The following ACCS variants were observed in gnomAD, a reference collection of about 807,000 sequenced individuals.
ACCS encodes the protein 1-aminocyclopropane-1-carboxylate synthase-like protein 1.
ACCS carries 42 observed loss-of-function variants against 59.8 expected under a neutral mutation model. The observed-to-expected ratio is 0.70, with a 90% CI of 0.55 to 0.91. ACCS has a LOEUF of 0.91. Among genes scored for constraint, ACCS ranks in the 40% least tolerant of loss-of-function variants. ACCS has a pLI of 0.00. For synonymous variants in ACCS, 230 were observed against 240.3 expected (o/e 0.96, Z 0.40); for missense variants, 602 against 630.4 (o/e 0.95, Z 0.48).
rs557625702 is a variant in ACCS at position 44,079,251 on chromosome 11, G to A, written c.834-280G>A. The A allele has an allele frequency of 2.9e-4, 124 of 429,204 alleles. 4 individuals carry two copies. In the East Asian group the frequency reaches 4.3e-3, roughly 15 times the overall value. 26.6% of individuals were successfully genotyped at this position (429,204 alleles called of 1,614,324 possible). A position where few individuals can be genotyped will look rare whatever the true frequency, so the allele number is the denominator to read the frequency against. On this transcript the variant is annotated intron_variant, in intron 9 of 14. Coordinates refer to ENST00000263776, the MANE Select transcript of ACCS (RefSeq NM_032592.4). ...TCCAGACTTGAACCTGGGTCTCTCC[G>A]ACTCGAGCCCTTGTGCATGACCTTG... is the stretch of plus-strand genomic sequence containing the variant.
At chr11:44,077,481 T>C in intron 7 of ACCS, 105 bp downstream of exon 7, 1 of 1,559,446 alleles carries the variant, frequency 6.4e-7, no homozygotes, top group Non-Finnish European at 8.7e-7. Context: ...GGGGTTGTGA[T>C]GAGTAGGGAA....
At chr11:44,078,425 T>C (rs984451763) in intron 8 of ACCS, 2 of 438,656 alleles carry the variant, frequency 4.6e-6, no homozygotes, top group African/African-American at 3.9e-5. Context: ...ATTTTGAAAG[T>C]GCAAAAGGCC....
In ACCS at chr11:44,077,992, G is replaced by A. The variant is rs567573520; in HGVS notation, c.732+70G>A. 1.3e-4 allele frequency: 207 copies of A among 1,542,646 alleles called. 1 individual carries two copies. The highest frequency in any genetic ancestry group is 2.8e-4 in the Admixed American group (14 of 50,716). Reference sequence around the variant, plus strand: ...GAGCAGGGTCTGGACCCCTCTTCTTGTGACTGATCTCCTCCCGGGAGTAGG... The same window carrying A: ...GAGCAGGGTCTGGACCCCTCTTCTTATGACTGATCTCCTCCCGGGAGTAGG... On this transcript the variant is annotated intron_variant, in intron 8 of 14. Transcript: ENST00000263776.
rs554227280 is a variant in ACCS, at chr11:44,070,106, A to G, written c.289-1150A>G. ...GGCAGGCGATGGGGTCAGAAAGAGG[A>G]TGGGGTGGTGGAGGTGATAGAACCT... On this transcript the variant is annotated intron_variant, in intron 2 of 14. Transcript: ENST00000263776. Among the ~76,000 whole-genome samples the G allele has an allele frequency of 8.9e-4, 136 of 152,228 alleles. 1 individual carries two copies. Among genetic ancestry groups the G allele is most frequent in the African/African-American group, 3.2e-3 (135 of 41,540 alleles).
intron 3 of ACCS, among the ~76,000 whole-genome samples, chr11:44,072,624 A>G (rs1453790906): frequency 1.3e-5 from 2 of 152,242 alleles, no homozygotes; most frequent in African/African-American, 4.8e-5. Context: ...TATTTAGCCC[A>G]ATATATTCAA....
chr11:44,074,508 G>C, intron 4 of ACCS, 104 bp from the exon 5 acceptor site: 1 of 869,060 alleles, frequency 1.2e-6, no homozygotes, highest in South Asian at 1.5e-5. Flanking sequence ...TGGGAAATTA[G>C]GGAAGAGTGA....
intron 7 of ACCS, 128 bp from the exon 8 acceptor site, chr11:44,077,717 C>G (rs1449673196): frequency 2.0e-6 from 3 of 1,467,162 alleles, no homozygotes; most frequent in South Asian, 1.4e-5. Flanking sequence ...GGGACCCCAC[C>G]TGCTTTTCCA....
chr11:44,080,472 TA>T (rs1196856120), intron 10 of ACCS: 26 of 151,012 alleles, frequency 1.7e-4, no homozygotes, highest in South Asian at 4.2e-4. Flanking sequence ...GGTTAGTCAT[TA>T]AAAAAAAAAT....
At chr11:44,083,067 A>G (rs886194265) in intron 12 of ACCS, 102 bp from the exon 13 acceptor site, 41 of 1,485,408 alleles carry the variant, frequency 2.8e-5, no homozygotes, top group Middle Eastern at 1.8e-4. Flanking sequence ...ACTCAACAGC[A>G]TCCTGGCAGC....
chr11:44,083,497 C>A lies in ACCS; in HGVS notation c.1328C>A (p.Ser443Tyr). The A allele has an allele frequency of 6.2e-7, 1 of 1,614,238 alleles. No individual in the cohort carries two copies. The highest frequency in any genetic ancestry group is 8.5e-7 in the Non-Finnish European group (1 of 1,180,038). Residue 443 changes from serine (S) to tyrosine (Y), a missense_variant, in exon 14 of 15, where the codon TCC becomes TAC. Coordinates refer to ENST00000263776, the MANE Select transcript of ACCS (RefSeq NM_032592.4). The stretch of plus-strand genomic sequence containing the variant: ...TTTTTGGACAACAAGGTGCTGCTGT[C>A]CTTTGGCAAGGCCTTCGAGTGTAAA... The part of the protein sequence containing the change: ...RRFLDNKVLL[S>Y]FGKAFECKEP...
chr11:44,083,556 C>T lies in ACCS; in HGVS notation c.1387C>T (p.Gln463Ter), dbSNP rs1953738323. ...TTGGTTTCGCTTTGTCTTCTCAGACCAGGTCCACCGGCTTTGCCTGGGTGA... is the reference window on the plus strand; with the variant it reads ...TTGGTTTCGCTTTGTCTTCTCAGACTAGGTCCACCGGCTTTGCCTGGGTGA... ...PGWFRFVFSD[Q>*]VHRLCLGMQR... Residue 463 changes from glutamine to a stop codon, truncating the protein, a stop_gained, in exon 14 of 15, where the codon CAG (glutamine) becomes TAG (stop). Coordinates refer to ENST00000263776, the MANE Select transcript of ACCS (RefSeq NM_032592.4). LOFTEE classifies it low-confidence loss of function (END_TRUNC). 1.2e-6 allele frequency: 2 copies of T among 1,614,250 alleles called. No homozygotes were observed. Among genetic ancestry groups the T allele is most frequent in the Non-Finnish European group, 1.7e-6 (2 of 1,180,044 alleles).
chr11:44,069,154 C>A (rs1463864536), intron 2 of ACCS, among the ~76,000 whole-genome samples: 2 of 152,170 alleles, frequency 1.3e-5, no homozygotes, highest in Non-Finnish European at 2.9e-5. Context: ...GTTAAAACAA[C>A]AATTCACAAT....
chr11:44,067,463 C>T (rs1450158588), intron 1 of ACCS, among the ~76,000 whole-genome samples, 165 bp from the exon 2 acceptor site: 2 of 152,168 alleles, frequency 1.3e-5, no homozygotes, highest in African/African-American at 2.4e-5. Flanking sequence ...TTGTTGAAGT[C>T]GTTGCACATA....
chr11:44,077,313 T>C lies in ACCS; in HGVS notation c.591T>C (p.Ala197=), dbSNP rs770523211. 3 of 1,614,128 alleles carry C rather than the reference T, an allele frequency of 1.9e-6. No individual in the cohort carries two copies. The highest frequency in any genetic ancestry group is 1.1e-5 in the South Asian group (1 of 91,076). ...TGATCCCCACCCCTTACTATGGCGC[T>C]ATCACACAGCACGTGTGTCTCTATG... The part of the protein sequence containing the change: ...AFLIPTPYYG[A]ITQHVCLYGN... Residue 197 remains alanine (A), a synonymous_variant, in exon 7 of 15, where the codon GCT becomes GCC. Coordinates refer to ENST00000263776, the MANE Select transcript of ACCS (RefSeq NM_032592.4).
chr11:44,077,217 G>T (rs1953409189), intron 6 of ACCS, 62 bp from the exon 7 acceptor site: 1 of 1,556,088 alleles, frequency 6.4e-7, no homozygotes, highest in Non-Finnish European at 8.8e-7. Context: ...GGGGACAGTG[G>T]ACAGAGGGTC....
Position 44,077,311 on chromosome 11 carries a change from G to A in ACCS, c.589G>A (p.Ala197Thr), listed in dbSNP as rs373138553. The change falls in exon 7 of 15, where the codon GCT becomes ACT. Residue 197 changes from alanine to threonine, a missense_variant. Coordinates refer to ENST00000263776, the MANE Select transcript of ACCS (RefSeq NM_032592.4). ...CCTGATCCCCACCCCTTACTATGGC[G>A]CTATCACACAGCACGTGTGTCTCTA... ...AFLIPTPYYGAITQHVCLYGN... is the reference protein window; with the variant it reads ...AFLIPTPYYGTITQHVCLYGN... The A allele has an allele frequency of 1.0e-4, 167 of 1,613,960 alleles. No individual in the cohort carries two copies. Among genetic ancestry groups the A allele is most frequent in the Non-Finnish European group, 8.4e-5 (99 of 1,179,992 alleles).
chr11:44,081,229 G>A lies in ACCS; in HGVS notation c.1020G>A (p.Gln340=), dbSNP rs568248250. ...TTGGCACGCTGTACACAGAAAACCA[G>A]GATGTGGCCACTGCCGTGGCTTCCC... is the stretch of plus-strand genomic sequence containing the variant. The part of the protein sequence containing the change: ...LRFGTLYTEN[Q]DVATAVASLC... Residue 340 remains glutamine, a synonymous_variant, in exon 12 of 15, where the codon CAG becomes CAA. Transcript: ENST00000263776. 1 of 1,614,268 alleles carries A rather than the reference G, an allele frequency of 6.2e-7. No individual in the cohort carries two copies. The highest frequency in any genetic ancestry group is 1.7e-5 in the Admixed American group (1 of 60,038).
intron 2 of ACCS, 69 bp downstream of exon 2, chr11:44,067,984 A>G (rs557099144): frequency 1.4e-6 from 2 of 1,476,326 alleles, no homozygotes; most frequent in South Asian, 2.8e-5. Context: ...ACCTTGACCA[A>G]TAAGGCAGCA....
chr11:44,077,720 C>T (rs1235885786), intron 7 of ACCS, 125 bp from the exon 8 acceptor site: 4 of 1,469,116 alleles, frequency 2.7e-6, no homozygotes, highest in Non-Finnish European at 9.0e-7. Flanking sequence ...ACCCCACCTG[C>T]TTTTCCAGAG....
Sources: allele counts gnomAD v4.1 joint callset (sites outside exome capture counted in the v4.1 genomes callset), GRCh38; gene constraint gnomAD v4.1.1; transcripts MANE v1.5; gene names NCBI Gene and HGNC (gene_info 2026-07-23, HGNC 2026-07-21).